ARID1B: variants seen among roughly 807,000 people sequenced by gnomAD.
ARID1B encodes the protein AT-rich interactive domain-containing protein 1B.
In ARID1B, 30 loss-of-function variants were observed where a neutral mutation model predicts 212.3. The observed-to-expected ratio is 0.14, with a 90% confidence interval of 0.11 to 0.19. The LOEUF (loss-of-function observed/expected upper bound fraction) is 0.19, where lower values mean the gene tolerates loss of function less well. Among genes scored for constraint, ARID1B ranks in the 10% least tolerant of loss-of-function variants. The pLI, the probability that ARID1B is intolerant of heterozygous loss-of-function variation, is 1.00. For synonymous variants in ARID1B, 1,402 were observed against 1,301.7 expected, an observed-to-expected ratio of 1.08 and a Z score of -1.66; for missense variants, 2,891 against 3,204.0, an observed-to-expected ratio of 0.90 and a Z score of 2.36.
At chr6:156,860,813 A>G (rs1785274169) in intron 2 of ARID1B, among the ~76,000 whole-genome samples, 1 of 152,232 alleles carries the variant, frequency 6.6e-6, no homozygotes, top group East Asian at 1.9e-4. Context: ...TAAAACAGAA[A>G]TTCTTTTTTT....
At chr6:157,194,060 CT>C (rs1793561095) in intron 15 of ARID1B, 1 of 152,240 alleles carries the variant, frequency 6.6e-6, no homozygotes, top group Admixed American at 6.5e-5. Context: ...TACTGTTTAC[CT>C]TGGATTCATT....
At chr6:156,887,951 T>G (rs1240042143) in intron 2 of ARID1B, among the ~76,000 whole-genome samples, 1 of 152,208 alleles carries the variant, frequency 6.6e-6, no homozygotes, top group African/African-American at 2.4e-5. Flanking sequence ...GCTTGTCTTT[T>G]TGTTGACTCT....
intron 8 of ARID1B, among the ~76,000 whole-genome samples, chr6:157,154,320 A>G (rs927756091): frequency 1.3e-5 from 2 of 152,170 alleles, no homozygotes; most frequent in African/African-American, 4.8e-5. Flanking sequence ...GTGACTTGAG[A>G]TTGTGTCAAA....
chr6:157,033,929 C>A (rs1434551121), intron 4 of ARID1B, among the ~76,000 whole-genome samples: 4 of 152,182 alleles, frequency 2.6e-5, no homozygotes, highest in Non-Finnish European at 5.9e-5. Context: ...TTGAAAAGTT[C>A]TCTCTCCCAT....
At chr6:156,791,470 G>C (rs556790993) in intron 1 of ARID1B, among the ~76,000 whole-genome samples, 1 of 152,194 alleles carries the variant, frequency 6.6e-6, no homozygotes, top group African/African-American at 2.4e-5. Context: ...AACCCCTTAC[G>C]TGAGCTGTTC....
chr6:156,998,893 G>A (rs767391385), intron 4 of ARID1B, among the ~76,000 whole-genome samples: 2 of 152,182 alleles, frequency 1.3e-5, no homozygotes, highest in South Asian at 2.1e-4. Context: ...ATGGTGGAAC[G>A]CGGCCCTTGA....
rs370907758 is a variant in ARID1B, at chr6:157,197,383, G to A, written c.4382+1068G>A. The stretch of plus-strand genomic sequence containing the variant: ...ACCTTTCATCAGCCCACATGCTGGG[G>A]TCACAGGGATGGGTCAGTGGGAAAG... On this transcript the variant is annotated intron_variant, in intron 16 of 19. Coordinates refer to ENST00000636930, the MANE Select transcript of ARID1B (RefSeq NM_001374828.1). Among the ~76,000 whole-genome samples the A allele has an allele frequency of 2.6e-5, 4 of 152,222 alleles. No individual in the cohort carries two copies. The East Asian group carries it at 5.8e-4, about 22-fold the overall frequency.
At chr6:157,082,747 G>A (rs923540439) in intron 4 of ARID1B, among the ~76,000 whole-genome samples, 1 of 152,114 alleles carries the variant, frequency 6.6e-6, no homozygotes, top group Non-Finnish European at 1.5e-5. Flanking sequence ...CTTTTTCTAG[G>A]GGTGCTGTTT....
rs2128396256 is a variant in ARID1B at position 157,207,080 on chromosome 6, T to A, written c.6308T>A (p.Leu2103His). The A allele has an allele frequency of 6.2e-7, 1 of 1,614,204 alleles. No individual in the cohort carries two copies. Among genetic ancestry groups the A allele is most frequent in the East Asian group, 2.2e-5 (1 of 44,884 alleles). The part of the protein sequence containing the change: ...GLVLILGKLI[L>H]LHHEHPERKR... Reference sequence around the variant, plus strand: ...GTGCTGATCCTGGGGAAGCTGATTCTTCTTCACCACGAGCATCCAGAGAGA... The same window carrying A: ...GTGCTGATCCTGGGGAAGCTGATTCATCTTCACCACGAGCATCCAGAGAGA... The change falls in exon 20 of 20, where the codon CTT (leucine) becomes CAT (histidine). Residue 2103 changes from leucine to histidine, a missense_variant. Leu to His is a moderately conservative substitution (Grantham distance 99). Coordinates refer to ENST00000636930, the MANE Select transcript of ARID1B (RefSeq NM_001374828.1). This position sits in a 1 kb window ranked among gnomAD's most constrained non-coding sequence, Gnocchi z 8.5.
In ARID1B at chr6:157,084,771, C is replaced by T. The variant is rs774701560; in HGVS notation, c.2357C>T (p.Ala786Val). The T allele has an allele frequency of 3.1e-6, 5 of 1,614,132 alleles. No homozygotes were observed. The South Asian group carries it at 3.3e-5, about 11-fold the overall frequency. The change falls in exon 5 of 20, where the codon GCG becomes GTG. Residue 786 changes from alanine (A) to valine (V), a missense_variant. By Grantham distance (64) the Ala-to-Val change is moderately conservative. Around this residue, in one of 7 missense-constraint regions of ARID1B, gnomAD observed 1,643 missense variants for 1,544.0 expected, o/e 1.06. Transcript: ENST00000636930. Reference protein sequence around the residue: ...TSSQGDQSNPAQSPFSPHASP... With the variant: ...TSSQGDQSNPVQSPFSPHASP... ...AGCCAAGGGGATCAGAGCAACCCGG[C>T]GCAGTCGCCTTTCTCCCCACATGCG...
At position 157,181,016 on chromosome 6, in the gene ARID1B, C is replaced by T. The variant is rs758570139; in HGVS notation, c.3552C>T (p.Tyr1184=). Reference sequence around the variant, plus strand: ...CTGGGGAGAAGATCACGAAGGTGTACGAGCTGGGGAATGAGCCAGAGAGAA... The same window carrying T: ...CTGGGGAGAAGATCACGAAGGTGTATGAGCTGGGGAATGAGCCAGAGAGAA... ...TTTGEKITKV[Y]ELGNEPERKL... Residue 1184 remains tyrosine, a synonymous_variant, in exon 12 of 20, where the codon TAC becomes TAT. Transcript: ENST00000636930. 19 of 1,614,016 alleles carry T rather than the reference C, an allele frequency of 1.2e-5. No individual in the cohort carries two copies. The highest frequency in any genetic ancestry group is 9.9e-5 in the South Asian group (9 of 91,060).
intron 4 of ARID1B, among the ~76,000 whole-genome samples, chr6:157,038,963 G>C (rs1781513298): frequency 6.6e-6 from 1 of 151,704 alleles, no homozygotes; most frequent in South Asian, 2.1e-4. Flanking sequence ...GAGTGCAGCG[G>C]CGCGATCATG....
chr6:157,072,312 A>G (rs989623775), intron 4 of ARID1B: 1 of 152,230 alleles, frequency 6.6e-6, no homozygotes, highest in African/African-American at 2.4e-5. Context: ...AAGCTTCAGC[A>G]TTTATACAGT....
intron 7 of ARID1B, among the ~76,000 whole-genome samples, chr6:157,137,932 C>A (rs1374309796): frequency 6.6e-6 from 1 of 152,018 alleles, no homozygotes; most frequent in Non-Finnish European, 1.5e-5. Flanking sequence ...AAATTAGATG[C>A]CATCTAGAAA....
intron 6 of ARID1B, among the ~76,000 whole-genome samples, chr6:157,127,783 CAAAAAAAAAAA>C (rs61172896): frequency 1.2e-4 from 7 of 56,794 alleles, no homozygotes; most frequent in Admixed American, 2.2e-4. Context: ...GACTCTGTCT[CAAAAAAAAAAA>C]AAAAAAAAAA....
intron 8 of ARID1B, among the ~76,000 whole-genome samples, chr6:157,161,189 T>G (rs950935860): frequency 1.3e-5 from 2 of 152,172 alleles, no homozygotes; most frequent in African/African-American, 4.8e-5. Flanking sequence ...GTTATATACT[T>G]TTACACGAAT....
At chr6:157,001,232 C>T (rs1426653519) in intron 4 of ARID1B, among the ~76,000 whole-genome samples, 2 of 152,198 alleles carry the variant, frequency 1.3e-5, no homozygotes, top group African/African-American at 4.8e-5. Flanking sequence ...ATCTTTGCCA[C>T]AGCACCCAGA....
At chr6:156,903,107 G>C (rs961451501) in intron 3 of ARID1B, among the ~76,000 whole-genome samples, 4 of 152,130 alleles carry the variant, frequency 2.6e-5, no homozygotes, top group Admixed American at 2.0e-4. Flanking sequence ...TTTTCTTCAA[G>C]ACCAAGCTCA....
chr6:157,177,195 C>T (rs1792154173), intron 11 of ARID1B, among the ~76,000 whole-genome samples: 1 of 152,136 alleles, frequency 6.6e-6, no homozygotes, highest in East Asian at 1.9e-4. Flanking sequence ...CTTCTGGCTC[C>T]TGTAGTAGAT....
Sources: allele counts gnomAD v4.1 joint callset (sites outside exome capture counted in the v4.1 genomes callset), GRCh38; gene constraint gnomAD v4.1.1; regional missense constraint gnomAD v4.1.1; non-coding constraint Gnocchi (gnomAD v3.1); transcripts MANE v1.5; gene names NCBI Gene and HGNC (gene_info 2026-07-23, HGNC 2026-07-21).